ZNF44: variants seen among roughly 807,000 people sequenced by gnomAD.
ZNF44 encodes the protein gonadotropin inducible transcription repressor-2.
A neutral mutation model predicts 11.7 loss-of-function variants in ZNF44; 9 were observed. The observed-to-expected ratio is 0.77, with a 90% CI of 0.46 to 1.35. ZNF44 has a LOEUF of 1.35. Among genes scored for constraint, ZNF44 ranks in the 40% most tolerant of loss-of-function variants. The pLI is 0.00. For synonymous variants in ZNF44, 224 were observed against 242.7 expected (o/e 0.92, Z 0.72); for missense variants, 696 against 743.1 (o/e 0.94, Z 0.74).
chr19:12,284,985 G>A, intron 1 of ZNF44: 2 of 720,362 alleles, frequency 2.8e-6, no homozygotes, highest in Admixed American at 4.0e-5. Flanking sequence ...CTCAGCCCGG[G>A]GCTGCACTGC....
At chr19:12,257,841 C>A (rs1454498679) in intron 5 of ZNF44, among the ~76,000 whole-genome samples, 1 of 149,006 alleles carries the variant, frequency 6.7e-6, no homozygotes, top group African/African-American at 2.5e-5. Context: ...CATTGTGGTG[C>A]ACGCCTGTAA....
downstream of ZNF44, among the ~76,000 whole-genome samples, chr19:12,245,460 G>A (rs1211267560): frequency 1.3e-5 from 2 of 152,148 alleles, no homozygotes; most frequent in African/African-American, 2.4e-5. Context: ...GCTATAATTG[G>A]AAATTCTCAC....
intron 5 of ZNF44, chr19:12,266,390 G>A (rs531982703): frequency 8.8e-4 from 845 of 965,268 alleles, no homozygotes; most frequent in Non-Finnish European, 1.0e-3. Context: ...GAGAAGCCGA[G>A]AGCGACCCGA....
rs1020874242 is a variant in ZNF44 at position 12,253,541 on chromosome 19, G to A, written c.1913-3173C>T. Among the ~76,000 whole-genome samples the A allele has an allele frequency of 7.9e-5, 12 of 152,086 alleles. No individual in the cohort carries two copies. The East Asian group carries it at 2.1e-3, about 27-fold the overall frequency. On this transcript the variant is annotated intron_variant and NMD_transcript_variant, in intron 5 of 7. Transcript: ENST00000393337. ...AGAGAATCTATGTATAATCTTTAGC[G>A]TACATGTGCATAACAAAAGAACTGC...
rs777267600 is a variant in ZNF44 at position 12,233,550 on chromosome 19, C to CCAAA, written n.380+1116_380+1117insTTTG. Among the ~76,000 whole-genome samples the CCAAA allele has an allele frequency of 8.7e-4, 70 of 80,838 alleles. 1 individual carries two copies. The highest frequency in any genetic ancestry group is 2.9e-3 in the African/African-American group (70 of 24,376). The allele number at this position is 80,838 out of a possible 152,430, so 53.0% of individuals were successfully genotyped here. A position where few individuals can be genotyped will look rare whatever the true frequency, so the allele number is the denominator to read the frequency against. On this transcript the variant is annotated intron_variant and non_coding_transcript_variant, in intron 2 of 3. Transcript: ENST00000597563. ...TTTGCAACAAGTACAACCCATACAT[C>CCAAA]AAAAAAAAAAAAAAAAAAAAAACCT...
At chr19:12,254,531 G>A (rs922332859) in intron 5 of ZNF44, among the ~76,000 whole-genome samples, 2 of 152,032 alleles carry the variant, frequency 1.3e-5, no homozygotes, top group Admixed American at 1.3e-4. Context: ...TCAGGAGTTC[G>A]AGACTACTCT....
Position 12,273,605 on chromosome 19 carries a change from C to T in ZNF44, c.650G>A (p.Arg217Lys). ...ATATGGTTTCTCTCCAGTGTGAGTTCTTTCATGCATACGTAATAAACTGGG... is the reference window on the plus strand; with the variant it reads ...ATATGGTTTCTCTCCAGTGTGAGTTTTTTCATGCATACGTAATAAACTGGG... ...FWPSLLRMHE[R>K]THTGEKPYEC... Residue 217 changes from arginine to lysine, a missense_variant, in exon 4 of 4, where the codon AGA (arginine) becomes AAA (lysine). Physicochemically the swap from Arg to Lys is conservative, Grantham distance 26. Coordinates refer to ENST00000355684, the MANE Select transcript of ZNF44 (RefSeq NM_016264.4). 1 of 1,614,142 alleles carries T rather than the reference C, an allele frequency of 6.2e-7. No homozygotes were observed. The highest frequency in any genetic ancestry group is 8.5e-7 in the Non-Finnish European group (1 of 1,180,016).
chr19:12,288,957 A>G (rs1967886983), intron 1 of ZNF44, among the ~76,000 whole-genome samples: 1 of 151,476 alleles, frequency 6.6e-6, no homozygotes, highest in Non-Finnish European at 1.5e-5. Context: ...TGTCTTATAA[A>G]TAACTAGCTG....
Position 12,272,273 on chromosome 19 carries a change from G to C in ZNF44, c.*134C>G, listed in dbSNP as rs1966979783. On this transcript the variant is annotated 3_prime_UTR_variant, in exon 4 of 4. Coordinates refer to ENST00000355684, the MANE Select transcript of ZNF44 (RefSeq NM_016264.4). ...CCTCCTCGGCCTCTCAAAGTGCTGG[G>C]ATTACAGGTGTGAGCCGCTGCGCCC... 5.2e-6 allele frequency: 7 copies of C among 1,343,122 alleles called. No individual in the cohort carries two copies. The highest frequency in any genetic ancestry group is 5.7e-6 in the Non-Finnish European group (6 of 1,050,994). The allele number at this position is 1,343,122 out of a possible 1,614,324, so 83.2% of individuals were successfully genotyped here.
In ZNF44 at chr19:12,272,851, T is replaced by C. The variant is rs1967014489; in HGVS notation, c.1404A>G (p.Thr468=). 1 of 1,614,100 alleles carries C rather than the reference T, an allele frequency of 6.2e-7. No individual in the cohort carries two copies. ...SDLFSFQSHE[T]THSEEEPYEC... is the part of the protein sequence containing the mutation. ...CATAAGGCTCCTCTTCACTGTGTGT[T>C]GTTTCATGACTTTGAAAGGAAAATA... Residue 468 remains threonine (T), a synonymous_variant, in exon 4 of 4, where the codon ACA becomes ACG. Transcript: ENST00000355684.
chr19:12,239,758 G>C (rs943842309), upstream of ZNF44, among the ~76,000 whole-genome samples: 4 of 151,344 alleles, frequency 2.6e-5, no homozygotes, highest in Non-Finnish European at 5.9e-5. Context: ...ATTTTTAGTA[G>C]AGATGGGGTT....
chr19:12,242,917 A>G (rs1916668580), downstream of ZNF44: 1 of 152,172 alleles, frequency 6.6e-6, no homozygotes, highest in African/African-American at 2.4e-5. Flanking sequence ...TGCCTGGTAT[A>G]AAATATGCAC....
downstream of ZNF44, among the ~76,000 whole-genome samples, chr19:12,245,313 A>G (rs1044913821): frequency 9.2e-5 from 14 of 152,226 alleles, no homozygotes; most frequent in Non-Finnish European, 1.5e-4. Flanking sequence ...TATTAATACA[A>G]TAGTTGTTAG....
At chr19:12,245,997 TCTTCACATCAAA>T (rs1302396645), downstream of ZNF44, among the ~76,000 whole-genome samples, 16 of 152,210 alleles carry the variant, frequency 1.1e-4, no homozygotes, top group African/African-American at 3.4e-4. Flanking sequence ...GTCTCCACCA[TCTTCACATCAAA>T]GATATAATTT....
At chr19:12,251,843 G>A (rs1917011662) in intron 5 of ZNF44, among the ~76,000 whole-genome samples, 1 of 152,050 alleles carries the variant, frequency 6.6e-6, no homozygotes, top group African/African-American at 2.4e-5. Flanking sequence ...CCTGAGGTCG[G>A]GAGTTTGAGA....
exon 4 of ZNF44, chr19:12,226,246 T>TA (rs957806954): frequency 6.6e-6 from 1 of 152,192 alleles, no homozygotes; most frequent in African/African-American, 2.4e-5. Context: ...AAGACCTTTT[T>TA]AAAGGCAAGG....
chr19:12,255,091 AACACACACACACACAC>A (rs140940065), intron 5 of ZNF44, among the ~76,000 whole-genome samples: 6 of 145,638 alleles, frequency 4.1e-5, no homozygotes, highest in Admixed American at 2.0e-4. Flanking sequence ...TCCGTCTCAA[AACACACACACACACAC>A]ACACACACAC....
rs749255434 is a variant in ZNF44, at chr19:12,294,718, G to A, written c.-24C>T. 6.4e-7 allele frequency: 1 copy of A among 1,556,156 alleles called. No individual in the cohort carries two copies. The highest frequency in any genetic ancestry group is 1.2e-5 in the South Asian group (1 of 84,192). ...ATTTCCCGGCTGTGCGGTGTCCCGG[G>A]TCCTCCCAACTCCCGTAGTCAGGGT... On this transcript the variant is annotated 5_prime_UTR_variant, in exon 1 of 4. Transcript: ENST00000355684.
intron 1 of ZNF44, among the ~76,000 whole-genome samples, chr19:12,278,731 A>T (rs910648855): frequency 6.6e-6 from 1 of 151,744 alleles, no homozygotes; most frequent in Non-Finnish European, 1.5e-5. Context: ...TTTCAAGGAA[A>T]AAAAAAAAAG....
Sources: gnomAD v4.1 joint callset for allele counts (sites outside exome capture counted in the v4.1 genomes callset) on GRCh38, gnomAD v4.1.1 for gene constraint, MANE v1.5 for transcripts, NCBI Gene and HGNC (gene_info 2026-07-23, HGNC 2026-07-21) for gene names.